PDE6B: variants seen among roughly 807,000 people sequenced by gnomAD.
PDE6B encodes rod cGMP-specific 3',5'-cyclic phosphodiesterase subunit beta.
PDE6B carries 106 observed loss-of-function variants against 109.0 expected under a neutral mutation model. The ratio of observed to expected loss-of-function variants is 0.97; its 90% confidence interval spans 0.83 to 1.14. PDE6B has a LOEUF of 1.14. Ranked by LOEUF, PDE6B falls within the 50% of genes most tolerant of loss-of-function variation. The pLI is 0.00. For missense variants in PDE6B, 1,193 were observed against 1,155.6 expected (o/e 1.03, Z -0.47); for synonymous variants, 490 against 471.3 (o/e 1.04, Z -0.51).
At chr4:629,705 G>A (rs1300924542) in intron 1 of PDE6B, among the ~76,000 whole-genome samples, 1 of 152,198 alleles carries the variant, frequency 6.6e-6, no homozygotes, top group South Asian at 2.1e-4. Flanking sequence ...TTGAGAACAC[G>A]GGCTGGGTGG....
At chr4:660,976 G>A (rs1469234072) in intron 12 of PDE6B, among the ~76,000 whole-genome samples, 55 of 147,254 alleles carry the variant, frequency 3.7e-4, no homozygotes, top group African/African-American at 1.4e-3. Flanking sequence ...TAGTTGGATA[G>A]TTGGATAAAT....
chr4:663,898 C>T lies in PDE6B; in HGVS notation c.2021+28C>T. 2 of 1,541,406 alleles carry T rather than the reference C, an allele frequency of 1.3e-6. No individual in the cohort carries two copies. Among genetic ancestry groups the T allele is most frequent in the African/African-American group, 1.4e-5 (1 of 71,848 alleles). Reference sequence around the variant, plus strand: ...GCGCGCCTTCCGGGAGGGGGCGCCTCGCGGGGCGGGCGGGTAGCCTGGGAC... The same window carrying T: ...GCGCGCCTTCCGGGAGGGGGCGCCTTGCGGGGCGGGCGGGTAGCCTGGGAC... On this transcript the variant is annotated intron_variant, in intron 16 of 21. Coordinates refer to ENST00000496514, the MANE Select transcript of PDE6B (RefSeq NM_000283.4). The surrounding 1 kb of genome is among the most constrained non-coding windows in gnomAD (Gnocchi z 4.0).
chr4:638,927 G>T (rs1249415965), intron 3 of PDE6B, among the ~76,000 whole-genome samples: 2 of 152,278 alleles, frequency 1.3e-5, no homozygotes, highest in Non-Finnish European at 2.9e-5. Context: ...CCATGCCCAG[G>T]TCATGCCTAC....
rs557058325 is a variant in PDE6B, at chr4:626,377, CG to C, written c.468+287del. Among the ~76,000 whole-genome samples, 278 of 152,322 alleles carry C rather than the reference CG, an allele frequency of 1.8e-3. No homozygotes were observed. The highest frequency in any genetic ancestry group is 6.5e-3 in the African/African-American group (269 of 41,572). ...GGCTGAAGCAGACTCAGGCTCAAACCGGGGTGCCCCTGATTCTGCATCCACA... is the reference window on the plus strand; with the variant it reads ...GGCTGAAGCAGACTCAGGCTCAAACCGGGTGCCCCTGATTCTGCATCCACA... On this transcript the variant is annotated intron_variant, in intron 1 of 21. Coordinates refer to ENST00000496514, the MANE Select transcript of PDE6B (RefSeq NM_000283.4). The surrounding 1 kb of genome is among the most constrained non-coding windows in gnomAD (Gnocchi z 4.6).
intron 6 of PDE6B, 111 bp from the exon 7 acceptor site, chr4:655,829 A>T: frequency 1.3e-6 from 1 of 772,422 alleles, no homozygotes; most frequent in African/African-American, 1.7e-5. Flanking sequence ...ACACACGTGC[A>T]GCCTAGACCA....
In PDE6B at chr4:654,163, T is replaced by G; in HGVS notation, c.927+9T>G. 1 of 1,611,758 alleles carries G rather than the reference T, an allele frequency of 6.2e-7. No individual in the cohort carries two copies. The highest frequency in any genetic ancestry group is 8.5e-7 in the Non-Finnish European group (1 of 1,178,480). Reference sequence around the variant, plus strand: ...GCACGCCTGATGGCCGGGTGAGTCTTAGGGGAGGGGCCCAGGGCCTGTCCA... The same window carrying G: ...GCACGCCTGATGGCCGGGTGAGTCTGAGGGGAGGGGCCCAGGGCCTGTCCA... On this transcript the variant is annotated intron_variant, in intron 5 of 21. Coordinates refer to ENST00000496514, the MANE Select transcript of PDE6B (RefSeq NM_000283.4).
At chr4:660,891 G>A (rs1251067147) in intron 12 of PDE6B, among the ~76,000 whole-genome samples, 1 of 142,258 alleles carries the variant, frequency 7.0e-6, no homozygotes, top group Non-Finnish European at 1.5e-5. Flanking sequence ...GGGAGGTTAG[G>A]AAGGAAGGAA....
chr4:663,128 G>C lies in PDE6B; in HGVS notation c.1861G>C (p.Gly621Arg). 6.2e-7 allele frequency: 1 copy of C among 1,612,132 alleles called. No homozygotes were observed. The change falls in exon 15 of 22, where the codon GGC (glycine) becomes CGC (arginine). Residue 621 changes from glycine to arginine, a missense_variant. Physicochemically the swap from Gly to Arg is moderately radical, Grantham distance 125. Coordinates refer to ENST00000496514, the MANE Select transcript of PDE6B (RefSeq NM_000283.4). The surrounding 1 kb of genome is among the most constrained non-coding windows in gnomAD (Gnocchi z 4.0). ...CCAGAACCCCTTGGCTAAGCTCCACGGCTCCTCGATTTTGGAGCGGCACCA... is the reference window on the plus strand; with the variant it reads ...CCAGAACCCCTTGGCTAAGCTCCACCGCTCCTCGATTTTGGAGCGGCACCA... The part of the protein sequence containing the change: ...KSQNPLAKLH[G>R]SSILERHHLE...
chr4:654,379 G>C (rs900384779), intron 5 of PDE6B: 1 of 667,402 alleles, frequency 1.5e-6, no homozygotes, highest in Non-Finnish European at 2.7e-6. Context: ...CAGGCTGGTC[G>C]TGAAGACCCA....
rs1009730232 is a variant in PDE6B, at chr4:663,994, C to T, written c.2022-120C>T. ...CAGCCCCGGATTCCGTCCCTGCCCG[C>T]CGGCCCCGCGCACCCCGGATGGGGC... On this transcript the variant is annotated intron_variant, in intron 16 of 21. Transcript: ENST00000496514. The surrounding 1 kb of genome is among the most constrained non-coding windows in gnomAD (Gnocchi z 4.0). 6.1e-5 allele frequency: 68 copies of T among 1,115,374 alleles called. 1 individual carries two copies. Among genetic ancestry groups the T allele is most frequent in the Non-Finnish European group, 7.9e-5 (58 of 736,096 alleles). The allele number at this position is 1,115,374 out of a possible 1,614,324, so 69.1% of individuals were successfully genotyped here.
At chr4:635,249 G>A (rs1470253427) in intron 2 of PDE6B, among the ~76,000 whole-genome samples, 1 of 139,348 alleles carries the variant, frequency 7.2e-6, no homozygotes, top group Non-Finnish European at 1.5e-5. Context: ...CTGCCTGCCC[G>A]CCTGCCTGCG....
chr4:649,879 C>T (rs978994840), intron 3 of PDE6B, among the ~76,000 whole-genome samples: 1 of 152,200 alleles, frequency 6.6e-6, no homozygotes, highest in African/African-American at 2.4e-5. Context: ...TGAGCAGCTC[C>T]CCTTCCAGGG....
rs750045921 is a variant in PDE6B, at chr4:657,399, G to T, written c.1306G>T (p.Asp436Tyr). ...GTCAGTGATGAACACCGACACCTAC[G>T]ACAAGATGAACAAGCTGGAGAACCG... Reference protein sequence around the residue: ...GWSVMNTDTYDKMNKLENRKD... With the variant: ...GWSVMNTDTYYKMNKLENRKD... The change falls in exon 10 of 22, where the codon GAC (aspartate) becomes TAC (tyrosine). Residue 436 changes from aspartate to tyrosine, a missense_variant. By Grantham distance (160) the Asp-to-Tyr change is radical. Coordinates refer to ENST00000496514, the MANE Select transcript of PDE6B (RefSeq NM_000283.4). 2.5e-6 allele frequency: 4 copies of T among 1,613,092 alleles called. No homozygotes were observed. The highest frequency in any genetic ancestry group is 1.7e-5 in the Admixed American group (1 of 60,000).
chr4:626,049 C>T lies in PDE6B; in HGVS notation c.423C>T (p.His141=), dbSNP rs148575945. Residue 141 remains histidine, a synonymous_variant, in exon 1 of 22, where the codon CAC becomes CAT. Coordinates refer to ENST00000496514, the MANE Select transcript of PDE6B (RefSeq NM_000283.4). This position sits in a 1 kb window ranked among gnomAD's most constrained non-coding sequence, Gnocchi z 4.6. ...VFPLDIGVVG[H]VAQTKKMVNV... is the part of the protein sequence containing the mutation. Reference sequence around the variant, plus strand: ...CACTGGACATCGGGGTCGTGGGCCACGTGGCTCAGACCAAAAAGATGGTGA... The same window carrying T: ...CACTGGACATCGGGGTCGTGGGCCATGTGGCTCAGACCAAAAAGATGGTGA... 3.4e-5 allele frequency: 55 copies of T among 1,596,066 alleles called. No homozygotes were observed. In the African/African-American group the frequency reaches 5.6e-4, roughly 16 times the overall value.
In PDE6B at chr4:633,540, C is replaced by T. The variant is rs1734493473; in HGVS notation, c.469-1137C>T. 3.9e-5 allele frequency among the ~76,000 whole-genome samples: 6 copies of T among 152,282 alleles called. No homozygotes were observed. In the South Asian group the frequency reaches 1.2e-3, roughly 32 times the overall value. On this transcript the variant is annotated intron_variant, in intron 1 of 21. Transcript: ENST00000496514. This position sits in a 1 kb window ranked among gnomAD's most constrained non-coding sequence, Gnocchi z 4.5. ...GTTGCGAGGAGTCTGCCCTCTGCTG[C>T]TGCAGGGCCACCGTCCCTAGAAACA... is the stretch of plus-strand genomic sequence containing the variant.
chr4:645,706 T>C (rs998160949), intron 3 of PDE6B, among the ~76,000 whole-genome samples: 1 of 152,032 alleles, frequency 6.6e-6, no homozygotes, highest in African/African-American at 2.4e-5. Flanking sequence ...CCCCTCTTTT[T>C]TTCTGCCTTC....
At chr4:654,654 A>G in intron 5 of PDE6B, 170 bp from the exon 6 acceptor site, 1 of 718,692 alleles carries the variant, frequency 1.4e-6, no homozygotes. Flanking sequence ...CATTCGTAGA[A>G]TACCTGCGCA....
Position 655,187 on chromosome 4 carries a change from C to T in PDE6B, c.992+299C>T, listed in dbSNP as rs183454030. ...ACCAGGCAAGCTGTCCAGGCGGCCT[C>T]GTCAGCAACAATTGAGCATGAAGGC... is the stretch of plus-strand genomic sequence containing the variant. On this transcript the variant is annotated intron_variant, in intron 6 of 21. Coordinates refer to ENST00000496514, the MANE Select transcript of PDE6B (RefSeq NM_000283.4). 105 of 480,514 alleles carry T rather than the reference C, an allele frequency of 2.2e-4. No homozygotes were observed. In the East Asian group the frequency reaches 3.4e-3, roughly 15 times the overall value. The allele number at this position is 480,514 out of a possible 1,614,324, so 29.8% of individuals were successfully genotyped here. A position where few individuals can be genotyped will look rare whatever the true frequency, so the allele number is the denominator to read the frequency against.
At chr4:635,751 C>T (rs926987003) in intron 2 of PDE6B, 129 bp from the exon 3 acceptor site, 2 of 710,232 alleles carry the variant, frequency 2.8e-6, no homozygotes, top group African/African-American at 3.5e-5. Flanking sequence ...TCCATGTCTG[C>T]CTGTGGGGCA....
Sources: gnomAD v4.1 joint callset for allele counts (sites outside exome capture counted in the v4.1 genomes callset) on GRCh38, gnomAD v4.1.1 for gene constraint, Gnocchi (gnomAD v3.1) non-coding constraint, MANE v1.5 for transcripts, NCBI Gene and HGNC (gene_info 2026-07-23, HGNC 2026-07-21) for gene names.